SH3RF2: variants seen among roughly 807,000 people sequenced by gnomAD.
SH3RF2 encodes the protein E3 ubiquitin-protein ligase SH3RF2.
In SH3RF2, 43 loss-of-function variants were observed where a neutral mutation model predicts 59.0. The ratio of observed to expected loss-of-function variants is 0.73; its 90% CI spans 0.57 to 0.94. The LOEUF is 0.94. SH3RF2 is among the 40% of genes least tolerant of loss of function. SH3RF2 has a pLI of 0.00. For missense variants in SH3RF2, 930 were observed against 940.1 expected (o/e 0.99, Z 0.14); for synonymous variants, 391 against 391.5 (o/e 1.00, Z 0.01).
rs35140745 is a variant in SH3RF2 at position 146,058,871 on chromosome 5, T to TAA, written c.1556-980_1556-979dup. 3.2e-3 allele frequency among the ~76,000 whole-genome samples: 429 copies of TAA among 132,736 alleles called. 3 individuals are homozygous for TAA. The highest frequency in any genetic ancestry group is 0.012 in the African/African-American group (411 of 33,706). The allele number at this position is 132,736 out of a possible 152,430, so 87.1% of individuals were successfully genotyped here. The stretch of plus-strand genomic sequence containing the variant: ...TTCCTGAGACAGGACCATCTCAATT[T>TAA]AAAAAAAAAAAAAAAAGGAAAAGAA... On this transcript the variant is annotated intron_variant, in intron 8 of 9. Transcript: ENST00000359120.
intron 5 of SH3RF2, among the ~76,000 whole-genome samples, chr5:146,033,451 C>CTTTTTTTTTTTTTTTTT (rs558717056): frequency 1.4e-5 from 1 of 71,856 alleles, no homozygotes; most frequent in Non-Finnish European, 2.4e-5. Context: ...TAGCCCTTAG[C>CTTTTTTTTTTTTTTTTT]TTTTTTTTTT....
At chr5:145,958,134 A>T (rs1484745661) in intron 2 of SH3RF2, among the ~76,000 whole-genome samples, 1 of 150,856 alleles carries the variant, frequency 6.6e-6, no homozygotes, top group Non-Finnish European at 1.5e-5. Context: ...ACAAAAAAAC[A>T]AAACAAAACA....
intron 2 of SH3RF2, among the ~76,000 whole-genome samples, chr5:145,964,468 C>T (rs192417970): frequency 3.0e-4 from 45 of 151,812 alleles, no homozygotes; most frequent in African/African-American, 6.8e-4. Flanking sequence ...CACCACGCCC[C>T]GCTAATTTTT....
At chr5:145,963,243 AATGG>A (rs58658769) in intron 2 of SH3RF2, among the ~76,000 whole-genome samples, 45,141 of 147,776 alleles carry the variant, frequency 0.31, 6,920 homozygotes, top group Middle Eastern at 0.44. Flanking sequence ...ATACTGGATG[AATGG>A]ATGGATGGAT....
intron 7 of SH3RF2, among the ~76,000 whole-genome samples, chr5:146,053,428 G>A (rs541053415): frequency 3.1e-5 from 4 of 130,820 alleles, no homozygotes; most frequent in Non-Finnish European, 6.8e-5. Context: ...CTTGGTGGGA[G>A]GCAGAGGTTT....
chr5:145,993,723 G>T (rs1239657159), intron 2 of SH3RF2, among the ~76,000 whole-genome samples: 2 of 152,208 alleles, frequency 1.3e-5, no homozygotes, highest in African/African-American at 4.8e-5. Context: ...CCCTGGGCCC[G>T]GCCCATGAAA....
intron 4 of SH3RF2, among the ~76,000 whole-genome samples, chr5:146,011,718 G>T (rs1760908234): frequency 6.6e-6 from 1 of 152,148 alleles, no homozygotes; most frequent in South Asian, 2.1e-4. Context: ...TGTGATTTTT[G>T]CACATTGATT....
Position 145,963,243 on chromosome 5 carries a change from AATGGATGGATGG to A in SH3RF2, c.378+24972_378+24983del, listed in dbSNP as rs58658769. On this transcript the variant is annotated intron_variant, in intron 2 of 9. Transcript: ENST00000359120. ...GCTTGCACAAAATAAATACTGGATG[AATGGATGGATGG>A]ATGGATGGATGGATGGATGGATGGA... Among the ~76,000 whole-genome samples, 1,032 of 148,028 alleles carry A rather than the reference AATGGATGGATGG, an allele frequency of 7.0e-3. 13 individuals carry two copies. Among genetic ancestry groups the A allele is most frequent in the African/African-American group, 0.025 (969 of 39,446 alleles).
intron 5 of SH3RF2, among the ~76,000 whole-genome samples, chr5:146,033,611 CA>C (rs1410085669): frequency 2.6e-5 from 4 of 151,720 alleles, no homozygotes; most frequent in African/African-American, 9.7e-5. Flanking sequence ...GCTGGGATTA[CA>C]GGCACGCACC....
chr5:146,080,345 A>C (rs1028478769), exon 10 of SH3RF2: 1 of 143,056 alleles, frequency 7.0e-6, no homozygotes, highest in African/African-American at 2.4e-5. Flanking sequence ...ACATAAGCAG[A>C]AAAACTATAG....
chr5:146,052,556 G>T (rs888645048), intron 7 of SH3RF2, among the ~76,000 whole-genome samples: 2 of 152,158 alleles, frequency 1.3e-5, no homozygotes, highest in African/African-American at 4.8e-5. Context: ...ACATTCTCAG[G>T]AAGAACAAGT....
At chr5:146,004,219 G>A (rs1388623994) in intron 4 of SH3RF2, 66 bp downstream of exon 4, 5 of 1,300,352 alleles carry the variant, frequency 3.8e-6, no homozygotes, top group Non-Finnish European at 5.4e-6. Flanking sequence ...CTACAGTGAT[G>A]CCTGAGAGCA....
intron 9 of SH3RF2, among the ~76,000 whole-genome samples, chr5:146,069,732 C>T (rs748662586): frequency 6.6e-6 from 1 of 152,092 alleles, no homozygotes; most frequent in Admixed American, 6.5e-5. Context: ...TGCCACCACA[C>T]CCAGCTAATT....
chr5:146,007,007 C>A (rs1760673441), intron 4 of SH3RF2, among the ~76,000 whole-genome samples: 1 of 152,182 alleles, frequency 6.6e-6, no homozygotes, highest in African/African-American at 2.4e-5. Context: ...CCACTCACAG[C>A]CCATTAGCCT....
chr5:145,972,295 G>A (rs1759114812), intron 2 of SH3RF2, among the ~76,000 whole-genome samples: 1 of 152,194 alleles, frequency 6.6e-6, no homozygotes, highest in South Asian at 2.1e-4. Flanking sequence ...TAGGTGAAGA[G>A]GATGGGGAAT....
intron 7 of SH3RF2, among the ~76,000 whole-genome samples, chr5:146,055,255 C>T (rs1245843455): frequency 6.6e-6 from 1 of 152,298 alleles, no homozygotes; most frequent in African/African-American, 2.4e-5. Context: ...CTGGTAAGAA[C>T]AGAGAGCCAG....
chr5:146,011,776 T>G (rs1383291343), intron 4 of SH3RF2, among the ~76,000 whole-genome samples: 1 of 152,226 alleles, frequency 6.6e-6, no homozygotes, highest in Non-Finnish European at 1.5e-5. Flanking sequence ...TAAGGAGATT[T>G]TGGGCTAAGA....
At chr5:146,064,769 A>AG (rs1399123032), downstream of SH3RF2, among the ~76,000 whole-genome samples, 49 of 30,034 alleles carry the variant, frequency 1.6e-3, 1 homozygote, top group African/African-American at 4.3e-3. Flanking sequence ...GAAGGAAGGA[A>AG]GGAAGGAAAG....
rs1762949121 is a variant in SH3RF2, at chr5:146,062,770, G to A, written c.*69G>A. The A allele has an allele frequency of 6.5e-7, 1 of 1,539,698 alleles. No individual in the cohort carries two copies. The highest frequency in any genetic ancestry group is 1.3e-5 in the South Asian group (1 of 79,132). On this transcript the variant is annotated 3_prime_UTR_variant, in exon 10 of 10. Transcript: ENST00000359120. Reference sequence around the variant, plus strand: ...TTTAAATACAGTCTGCCTCCACTGAGGGCATCCTGCCATTCTTTGGGGACT... The same window carrying A: ...TTTAAATACAGTCTGCCTCCACTGAAGGCATCCTGCCATTCTTTGGGGACT...
Sources: allele counts gnomAD v4.1 joint callset (sites outside exome capture counted in the v4.1 genomes callset), GRCh38; gene constraint gnomAD v4.1.1; transcripts MANE v1.5; gene names NCBI Gene and HGNC (gene_info 2026-07-23, HGNC 2026-07-21).